The following MTMR3 variants were observed in gnomAD, a reference collection of about 807,000 sequenced individuals.
MTMR3 encodes phosphatidylinositol-3,5-bisphosphate 3-phosphatase MTMR3.
A neutral mutation model predicts 132.4 loss-of-function variants in MTMR3; 32 were observed. The observed-to-expected ratio is 0.24, with a 90% CI of 0.18 to 0.32. The LOEUF (loss-of-function observed/expected upper bound fraction) is 0.32, where lower values mean the gene tolerates loss of function less well. Among genes scored for constraint, MTMR3 ranks in the 10% least tolerant of loss-of-function variants. The probability of loss-of-function intolerance (pLI) is 1.00; values close to 1 mark genes in which losing one functional copy is unlikely to be tolerated. For synonymous variants in MTMR3, 556 were observed against 550.3 expected, an observed-to-expected ratio of 1.01 and a Z score of -0.14; for missense variants, 1,216 against 1,489.6, an observed-to-expected ratio of 0.82 and a Z score of 3.02.
chr22:29,953,978 C>A (rs1470258046), intron 1 of MTMR3, among the ~76,000 whole-genome samples: 1 of 149,974 alleles, frequency 6.7e-6, no homozygotes, highest in Non-Finnish European at 1.5e-5. Flanking sequence ...TGACTGGTAT[C>A]ATGGGAAGGT....
At chr22:29,920,413 T>C (rs570084504) in intron 1 of MTMR3, among the ~76,000 whole-genome samples, 1 of 152,172 alleles carries the variant, frequency 6.6e-6, no homozygotes, top group East Asian at 1.9e-4. Context: ...TATGTAAAAC[T>C]AAGCCCACCA....
In MTMR3 at chr22:29,951,500, A is replaced by G. The variant is rs189710460; in HGVS notation, c.-137-5536A>G. ...CTTCCCTGTTGAGATGTATAAAGCA[A>G]TAAGGTGCATGTGAAATGCAACCAG... On this transcript the variant is annotated intron_variant, in intron 1 of 19. Coordinates refer to ENST00000401950, the MANE Select transcript of MTMR3 (RefSeq NM_021090.4). Among the ~76,000 whole-genome samples, 196 of 152,332 alleles carry G rather than the reference A, an allele frequency of 1.3e-3. 1 individual carries two copies. The highest frequency in any genetic ancestry group is 4.6e-3 in the African/African-American group (191 of 41,582).
intron 3 of MTMR3, among the ~76,000 whole-genome samples, chr22:29,973,738 T>G (rs2066580007): frequency 6.6e-6 from 1 of 152,186 alleles, no homozygotes; most frequent in Non-Finnish European, 1.5e-5. Flanking sequence ...TAGCTGAGAT[T>G]ACAGGCGCTT....
At chr22:30,016,271 A>G (rs1382306204) in intron 14 of MTMR3, 5 of 408,936 alleles carry the variant, frequency 1.2e-5, no homozygotes, top group Admixed American at 8.4e-5. Context: ...AGTGGCTGTT[A>G]ATTCACAATC....
chr22:29,989,091 A>G (rs2066911408), intron 6 of MTMR3: 1 of 152,314 alleles, frequency 6.6e-6, no homozygotes, highest in Admixed American at 6.5e-5. Context: ...CAGTTCACCT[A>G]ATGACCTATT....
At position 30,025,627 on chromosome 22, in the gene MTMR3, A is replaced by G. The variant is rs769278705; in HGVS notation, c.3426-3A>G. The G allele has an allele frequency of 6.2e-7, 1 of 1,614,088 alleles. No individual in the cohort carries two copies. Among genetic ancestry groups the G allele is most frequent in the East Asian group, 2.2e-5 (1 of 44,882 alleles). On this transcript the variant is annotated splice_region_variant and splice_polypyrimidine_tract_variant and intron_variant, in intron 19 of 19. Coordinates refer to ENST00000401950, the MANE Select transcript of MTMR3 (RefSeq NM_021090.4). ...ACATTGTTCTGTTTCTTCTCATCTC[A>G]AGGAATTGTGGGAACGTATTCTGCT...
chr22:29,947,226 A>G (rs190163018), intron 1 of MTMR3, among the ~76,000 whole-genome samples: 2 of 152,112 alleles, frequency 1.3e-5, no homozygotes, highest in Non-Finnish European at 1.5e-5. Context: ...AATGATTTTT[A>G]TGTTGGAAAA....
chr22:29,946,810 A>C (rs894336198), intron 1 of MTMR3, among the ~76,000 whole-genome samples: 1 of 152,008 alleles, frequency 6.6e-6, no homozygotes, highest in Non-Finnish European at 1.5e-5. Context: ...GGCATCTCAG[A>C]CTGAATAAAA....
chr22:29,998,962 G>A (rs1021383023), intron 8 of MTMR3, 105 bp downstream of exon 8: 1 of 650,636 alleles, frequency 1.5e-6, no homozygotes, highest in African/African-American at 1.9e-5. Context: ...TATTTGAAAT[G>A]GTTTTATTTA....
chr22:29,938,665 G>T (rs759191023), intron 1 of MTMR3, among the ~76,000 whole-genome samples: 30 of 152,242 alleles, frequency 2.0e-4, no homozygotes, highest in Non-Finnish European at 3.7e-4. Context: ...CTCTGATGTG[G>T]AACCATATAG....
intron 8 of MTMR3, 96 bp from the exon 9 acceptor site, chr22:30,002,784 C>A: frequency 2.2e-6 from 2 of 926,352 alleles, no homozygotes; most frequent in Non-Finnish European, 3.4e-6. Flanking sequence ...AGATCATCAT[C>A]CTTATGCTGG....
Position 30,027,801 on chromosome 22 carries a change from T to C in MTMR3, c.*2000T>C, listed in dbSNP as rs181797188. On this transcript the variant is annotated 3_prime_UTR_variant, in exon 20 of 20. Coordinates refer to ENST00000401950, the MANE Select transcript of MTMR3 (RefSeq NM_021090.4). Reference sequence around the variant, plus strand: ...ATTTTTTGTCAAAGCAAGAAGTAAATACTTTAGAATTGTTAAATATATAAA... The same window carrying C: ...ATTTTTTGTCAAAGCAAGAAGTAAACACTTTAGAATTGTTAAATATATAAA... 14 of 152,622 alleles carry C rather than the reference T, an allele frequency of 9.2e-5. No individual in the cohort carries two copies. In the East Asian group the frequency reaches 2.4e-3, roughly 27 times the overall value. The allele number at this position is 152,622 out of a possible 1,614,324, so 9.5% of individuals were successfully genotyped here.
At chr22:29,917,007 C>G (rs1569003047) in intron 1 of MTMR3, among the ~76,000 whole-genome samples, 1 of 152,146 alleles carries the variant, frequency 6.6e-6, no homozygotes, top group Non-Finnish European at 1.5e-5. Context: ...TGTTCTTGTT[C>G]TACAATATCC....
intron 6 of MTMR3, 184 bp downstream of exon 6, chr22:29,988,746 G>GTTT: frequency 1.4e-5 from 4 of 280,956 alleles, no homozygotes; most frequent in South Asian, 2.8e-4. Context: ...GTTGAAAGAT[G>GTTT]TTTTTTTTTT....
chr22:29,934,478 T>G (rs1422626033), intron 1 of MTMR3, among the ~76,000 whole-genome samples: 1 of 152,210 alleles, frequency 6.6e-6, no homozygotes, highest in Non-Finnish European at 1.5e-5. Context: ...AGAGCCCAAT[T>G]TTTCTTTTGT....
chr22:30,019,048 T>C (rs923977940), intron 16 of MTMR3: 3 of 155,816 alleles, frequency 1.9e-5, no homozygotes, highest in African/African-American at 7.3e-5. Context: ...CTACTAAAAA[T>C]ACAAAAAAAC....
intron 2 of MTMR3, among the ~76,000 whole-genome samples, chr22:29,967,193 TTGTGTGTGTGTGTGTGTGTG>T (rs10680622): frequency 5.6e-5 from 8 of 142,060 alleles, no homozygotes; most frequent in South Asian, 2.3e-4. Context: ...TTCACCTCTG[TTGTGTGTGTGTGTGTGTGTG>T]TGTGTGTGTG....
At chr22:29,952,099 G>A (rs1569021372) in intron 1 of MTMR3, among the ~76,000 whole-genome samples, 4 of 151,890 alleles carry the variant, frequency 2.6e-5, no homozygotes, top group Admixed American at 2.6e-4. Flanking sequence ...TCATGTTGCC[G>A]AGGCTGGTCT....
intron 7 of MTMR3, chr22:29,996,614 G>A (rs1417904117): frequency 6.6e-6 from 1 of 152,190 alleles, no homozygotes; most frequent in Non-Finnish European, 1.5e-5. Context: ...ATATCCCAGA[G>A]TCGGGGGAAA....
Sources: allele counts gnomAD v4.1 joint callset (sites outside exome capture counted in the v4.1 genomes callset), GRCh38; gene constraint gnomAD v4.1.1; transcripts MANE v1.5; gene names NCBI Gene and HGNC (gene_info 2026-07-23, HGNC 2026-07-21).